TASP1: variants seen among roughly 807,000 people sequenced by gnomAD.
TASP1 encodes the protein threonine aspartase 1.
Under a neutral mutation model 56.6 loss-of-function variants are expected in TASP1, and 16 were observed. The observed-to-expected ratio is 0.28, with a 90% CI of 0.19 to 0.43. TASP1 has a LOEUF of 0.43. Among genes scored for constraint, TASP1 ranks in the 20% least tolerant of loss-of-function variants. The pLI is 1.00. For missense variants in TASP1, 393 were observed against 511.6 expected, an observed-to-expected ratio of 0.77 and a Z score of 2.24; for synonymous variants, 179 against 184.2, an observed-to-expected ratio of 0.97 and a Z score of 0.23.
At chr20:13,509,284 T>C (rs1469018358) in intron 10 of TASP1, among the ~76,000 whole-genome samples, 1 of 152,084 alleles carries the variant, frequency 6.6e-6, no homozygotes, top group Non-Finnish European at 1.5e-5. Flanking sequence ...TTCTCACTTA[T>C]ATATAAAAAT....
the TASP1 span, among the ~76,000 whole-genome samples, chr20:13,346,806 A>G: frequency 6.6e-4 from 100 of 152,332 alleles, 1 homozygote; most frequent in Non-Finnish European, 1.2e-3. Context: ...CTCAAGATAC[A>G]TATAATTTGG....
chr20:13,170,614 G>A, the TASP1 span, among the ~76,000 whole-genome samples: 13 of 152,198 alleles, frequency 8.5e-5, no homozygotes, highest in Non-Finnish European at 1.5e-4. Context: ...ATATAACAGC[G>A]CTCCCTTTTA....
chr20:13,632,102 C>T (rs763908838), intron 1 of TASP1, among the ~76,000 whole-genome samples: 94 of 144,628 alleles, frequency 6.5e-4, no homozygotes, highest in Non-Finnish European at 1.2e-3. Context: ...CAGTGACTCA[C>T]GCCTGTAATC....
intron 4 of TASP1, among the ~76,000 whole-genome samples, chr20:13,608,558 A>G (rs1438550421): frequency 6.6e-6 from 1 of 152,266 alleles, no homozygotes; most frequent in Non-Finnish European, 1.5e-5. Flanking sequence ...TAGAAAATAC[A>G]CAAATGAATA....
At chr20:13,432,504 A>G (rs1350222153) in intron 12 of TASP1, among the ~76,000 whole-genome samples, 1 of 152,184 alleles carries the variant, frequency 6.6e-6, no homozygotes, top group Non-Finnish European at 1.5e-5. Context: ...TTTCTTACCA[A>G]ATACTTCACA....
intron 12 of TASP1, among the ~76,000 whole-genome samples, chr20:13,432,781 C>T (rs528527839): frequency 6.6e-6 from 1 of 152,178 alleles, no homozygotes; most frequent in Admixed American, 6.5e-5. Context: ...CTTAAATATG[C>T]ATTTCTGTAC....
At chr20:13,111,983 C>G in the TASP1 span, among the ~76,000 whole-genome samples, 1 of 152,206 alleles carries the variant, frequency 6.6e-6, no homozygotes, top group Non-Finnish European at 1.5e-5. Flanking sequence ...ACAAGGGACC[C>G]AGGTGTGGAC....
the TASP1 span, among the ~76,000 whole-genome samples, chr20:13,320,105 C>A: frequency 6.6e-6 from 1 of 152,152 alleles, no homozygotes. Context: ...CACCAGGGTC[C>A]CCTCCTGTGA....
chr20:13,429,471 CAA>C (rs1448972098), intron 12 of TASP1, among the ~76,000 whole-genome samples: 1 of 150,392 alleles, frequency 6.6e-6, no homozygotes, highest in Non-Finnish European at 1.5e-5. Context: ...GATTATTTGT[CAA>C]TTATTTTTTT....
the TASP1 span, among the ~76,000 whole-genome samples, chr20:13,140,273 G>T: frequency 6.6e-6 from 1 of 152,106 alleles, no homozygotes; most frequent in Non-Finnish European, 1.5e-5. Flanking sequence ...GAACTGATTA[G>T]GCTAATTCTT....
At chr20:13,106,447 A>G in the TASP1 span, among the ~76,000 whole-genome samples, 2 of 152,148 alleles carry the variant, frequency 1.3e-5, no homozygotes, top group South Asian at 2.1e-4. Context: ...TCTGTTCTGT[A>G]TTATTGACGA....
At chr20:13,438,983 G>A (rs1230780968) in intron 11 of TASP1, among the ~76,000 whole-genome samples, 2 of 152,084 alleles carry the variant, frequency 1.3e-5, no homozygotes, top group African/African-American at 2.4e-5. Flanking sequence ...TTAGAATGGC[G>A]ATCATTAAAA....
chr20:13,593,343 C>T (rs977036551), intron 4 of TASP1, among the ~76,000 whole-genome samples: 1 of 152,164 alleles, frequency 6.6e-6, no homozygotes, highest in African/African-American at 2.4e-5. Flanking sequence ...TGGTTCATCT[C>T]ACTGGGACTG....
At chr20:13,269,959 G>GGAT in the TASP1 span, among the ~76,000 whole-genome samples, 1 of 151,978 alleles carries the variant, frequency 6.6e-6, no homozygotes, top group Non-Finnish European at 1.5e-5. Context: ...ATGGATGGAT[G>GGAT]GATGGATAGA....
the TASP1 span, among the ~76,000 whole-genome samples, chr20:13,261,556 AC>A: frequency 1.1e-4 from 17 of 152,154 alleles, no homozygotes; most frequent in Non-Finnish European, 2.5e-4. Flanking sequence ...AGGTGCAATA[AC>A]TTACCAAAGC....
At chr20:13,302,975 C>T in the TASP1 span, among the ~76,000 whole-genome samples, 14,157 of 152,254 alleles carry the variant, frequency 0.093, 713 homozygotes, top group Admixed American at 0.12. Flanking sequence ...TCTGTCTTAA[C>T]GCCGGGGATT....
the TASP1 span, among the ~76,000 whole-genome samples, chr20:13,331,765 T>C: frequency 1.8e-4 from 27 of 151,860 alleles, no homozygotes; most frequent in Non-Finnish European, 3.4e-4. Flanking sequence ...CTTTTTTAAG[T>C]ATTTTTTTAA....
chr20:13,421,390 T>C (rs1174704026), intron 12 of TASP1, among the ~76,000 whole-genome samples: 1 of 84,094 alleles, frequency 1.2e-5, no homozygotes, highest in Non-Finnish European at 3.1e-5. Flanking sequence ...AGAGTGTTTG[T>C]TTTTGCCATT....
chr20:13,578,166 T>G (rs2046994760), intron 6 of TASP1, among the ~76,000 whole-genome samples: 1 of 152,198 alleles, frequency 6.6e-6, no homozygotes, highest in Admixed American at 6.5e-5. Context: ...ATTGTTGGTT[T>G]TTGTTAATTT....
Sources: allele counts gnomAD v4.1 joint callset (sites outside exome capture counted in the v4.1 genomes callset), GRCh38; gene constraint gnomAD v4.1.1; transcripts MANE v1.5; gene names NCBI Gene and HGNC (gene_info 2026-07-23, HGNC 2026-07-21).